Variants in PCDH15 observed in about 807,000 individuals in gnomAD.
PCDH15 encodes protocadherin-15.
A neutral mutation model predicts 178.5 loss-of-function variants in PCDH15; 129 were observed. That is an observed-to-expected ratio of 0.72 (90% CI 0.63 to 0.84). The LOEUF is 0.84. Ranked by LOEUF, PCDH15 falls within the 40% of genes least tolerant of loss-of-function variation. The pLI is 0.00. For synonymous variants in PCDH15, 800 were observed against 732.0 expected (o/e 1.09, Z -1.50); for missense variants, 2,230 against 2,099.9 (o/e 1.06, Z -1.21).
chr10:55,609,953 A>G (rs150023176), intron 2 of PCDH15, among the ~76,000 whole-genome samples: 11 of 152,286 alleles, frequency 7.2e-5, no homozygotes, highest in Admixed American at 2.0e-4. Context: ...AAACTGTCAT[A>G]ATAAGGAGAA....
intron 18 of PCDH15, among the ~76,000 whole-genome samples, chr10:54,057,664 C>A (rs573233059): frequency 6.6e-6 from 1 of 152,272 alleles, no homozygotes; most frequent in African/African-American, 2.4e-5. Flanking sequence ...GGAGACATTT[C>A]CCCCATTGTC....
At chr10:55,588,717 T>C (rs1842775552) in intron 2 of PCDH15, among the ~76,000 whole-genome samples, 1 of 151,998 alleles carries the variant, frequency 6.6e-6, no homozygotes, top group East Asian at 1.9e-4. Flanking sequence ...AACTGGGACA[T>C]TTTGAAGAAA....
chr10:55,256,365 C>T (rs1049430420), intron 1 of PCDH15, among the ~76,000 whole-genome samples: 79 of 152,104 alleles, frequency 5.2e-4, no homozygotes, highest in Non-Finnish European at 1.0e-3. Flanking sequence ...TGGGGAGTGT[C>T]GGAAAGTGGG....
chr10:54,931,635 T>C (rs761822678), intron 2 of PCDH15, among the ~76,000 whole-genome samples: 49 of 152,240 alleles, frequency 3.2e-4, no homozygotes, highest in Non-Finnish European at 8.8e-5. Flanking sequence ...TAGGAAGTCC[T>C]GCCTTTGAGA....
intron 10 of PCDH15, among the ~76,000 whole-genome samples, chr10:54,204,852 C>T (rs1197654951): frequency 1.3e-5 from 2 of 152,124 alleles, no homozygotes; most frequent in Non-Finnish European, 2.9e-5. Flanking sequence ...CACTTTCCCA[C>T]TAAGTGTTTC....
At chr10:55,465,890 C>T (rs1180058052) in intron 2 of PCDH15, among the ~76,000 whole-genome samples, 1 of 152,084 alleles carries the variant, frequency 6.6e-6, no homozygotes, top group African/African-American at 2.4e-5. Flanking sequence ...TAATGTAATA[C>T]AAGAAAATTC....
At chr10:55,614,458 T>C (rs1843435529) in intron 2 of PCDH15, among the ~76,000 whole-genome samples, 1 of 152,150 alleles carries the variant, frequency 6.6e-6, no homozygotes, top group Non-Finnish European at 1.5e-5. Flanking sequence ...GAGAAGGAAT[T>C]TGTTCTACTG....
chr10:54,173,938 C>T (rs1482384363), intron 13 of PCDH15, among the ~76,000 whole-genome samples: 2 of 152,002 alleles, frequency 1.3e-5, no homozygotes, highest in Non-Finnish European at 2.9e-5. Flanking sequence ...ACCTAAAAGA[C>T]GGAAAGCATA....
intron 2 of PCDH15, among the ~76,000 whole-genome samples, chr10:55,540,192 C>T (rs1488070824): frequency 6.6e-6 from 1 of 151,828 alleles, no homozygotes; most frequent in African/African-American, 2.4e-5. Flanking sequence ...CTGTGAGATT[C>T]GCTTTTTAAA....
chr10:55,557,132 C>A lies in PCDH15; in HGVS notation c.-156+70493G>T, dbSNP rs184547915. ...GCCAAACTTATCTATCTTTTAATGTCTTCTGCTTTTAATCTGCAATATTTA... is the reference window on the plus strand; with the variant it reads ...GCCAAACTTATCTATCTTTTAATGTATTCTGCTTTTAATCTGCAATATTTA... On this transcript the variant is annotated intron_variant, in intron 2 of 5. Coordinates refer to the PCDH15 transcript ENST00000613346. 2.0e-3 allele frequency among the ~76,000 whole-genome samples: 299 copies of A among 152,208 alleles called. 1 individual carries two copies. The highest frequency in any genetic ancestry group is 3.4e-3 in the Middle Eastern group (1 of 294).
intron 2 of PCDH15, among the ~76,000 whole-genome samples, chr10:55,070,648 G>C (rs1343564570): frequency 6.6e-6 from 1 of 151,994 alleles, no homozygotes; most frequent in Non-Finnish European, 1.5e-5. Flanking sequence ...ATCTGTTTTG[G>C]TACCAGTACC....
At chr10:54,230,126 G>A (rs2053895042) in intron 9 of PCDH15, among the ~76,000 whole-genome samples, 1 of 151,962 alleles carries the variant, frequency 6.6e-6, no homozygotes, top group Admixed American at 6.6e-5. Flanking sequence ...CAATTAAATG[G>A]ACTATTTTAA....
At chr10:55,314,888 T>C (rs1179093023) in intron 1 of PCDH15, among the ~76,000 whole-genome samples, 1 of 152,170 alleles carries the variant, frequency 6.6e-6, no homozygotes, top group Non-Finnish European at 1.5e-5. Context: ...GACTGTAATG[T>C]TGGATATTGT....
At chr10:55,266,180 G>A (rs989162594) in intron 1 of PCDH15, among the ~76,000 whole-genome samples, 3 of 150,968 alleles carry the variant, frequency 2.0e-5, no homozygotes, top group Non-Finnish European at 2.9e-5. Flanking sequence ...TTTAACTCAT[G>A]CATACTTAAC....
intron 3 of PCDH15, among the ~76,000 whole-genome samples, chr10:54,867,657 A>G (rs1471169839): frequency 6.6e-6 from 1 of 152,132 alleles, no homozygotes; most frequent in Non-Finnish European, 1.5e-5. Context: ...CTTTAATAAT[A>G]TTATGCCAGA....
intron 2 of PCDH15, among the ~76,000 whole-genome samples, chr10:55,030,750 C>T (rs529762726): frequency 1.7e-4 from 26 of 151,682 alleles, no homozygotes; most frequent in South Asian, 1.0e-3. Flanking sequence ...TGAATTTTCA[C>T]GAATAGAAAA....
chr10:54,012,511 A>C (rs760842271), intron 20 of PCDH15, among the ~76,000 whole-genome samples: 48 of 152,152 alleles, frequency 3.2e-4, no homozygotes, highest in Non-Finnish European at 6.5e-4. Context: ...CATTCTTTTT[A>C]AAATGAAAGA....
intron 2 of PCDH15, among the ~76,000 whole-genome samples, chr10:54,645,499 T>TA (rs941652426): frequency 1.2e-3 from 181 of 151,838 alleles, no homozygotes; most frequent in Non-Finnish European, 1.6e-3. Context: ...TAGAGAAAAT[T>TA]AAAAAAAATA....
In PCDH15 at chr10:55,565,655, T is replaced by C. The variant is rs188312005; in HGVS notation, c.-156+61970A>G. Among the ~76,000 whole-genome samples the C allele has an allele frequency of 1.3e-4, 20 of 151,680 alleles. No homozygotes were observed. The East Asian group carries it at 3.9e-3, about 29-fold the overall frequency. ...TTACTACAATGAGAAATGAAAATGG[T>C]GACTTTGCTATCAATTCTACAGAAA... On this transcript the variant is annotated intron_variant, in intron 2 of 5. Transcript: ENST00000613346.
Sources: allele counts gnomAD v4.1 joint callset (sites outside exome capture counted in the v4.1 genomes callset), GRCh38; gene constraint gnomAD v4.1.1; transcripts MANE v1.5; gene names NCBI Gene and HGNC (gene_info 2026-07-23, HGNC 2026-07-21).